The following AUH variants were observed in gnomAD, a reference collection of about 807,000 sequenced individuals.
AUH encodes AU RNA binding methylglutaconyl-CoA hydratase.
Under a neutral mutation model 42.3 loss-of-function variants are expected in AUH, and 29 were observed. The observed-to-expected ratio is 0.69, with a 90% CI of 0.51 to 0.93. The LOEUF (loss-of-function observed/expected upper bound fraction) is 0.93. Ranked by LOEUF, AUH falls within the 40% of genes least tolerant of loss-of-function variation. The pLI, the probability that AUH is intolerant of heterozygous loss-of-function variation, is 0.00. For synonymous variants in AUH, 174 were observed against 166.4 expected (o/e 1.05, Z -0.35); for missense variants, 452 against 438.1 (o/e 1.03, Z -0.28).
At chr9:91,244,601 G>A (rs893328428) in intron 6 of AUH, among the ~76,000 whole-genome samples, 1 of 152,000 alleles carries the variant, frequency 6.6e-6, no homozygotes, top group Admixed American at 6.5e-5. Flanking sequence ...GCTTCCTACA[G>A]GCACTGTTAA....
chr9:91,220,079 A>G (rs1364728423), intron 7 of AUH, among the ~76,000 whole-genome samples: 2 of 152,226 alleles, frequency 1.3e-5, no homozygotes, highest in African/African-American at 4.8e-5. Flanking sequence ...TCTCAATTTA[A>G]AGCCCTTTAA....
intron 6 of AUH, 96 bp from the exon 7 acceptor site, chr9:91,221,088 GC>G (rs1827109435): frequency 2.2e-6 from 3 of 1,381,210 alleles, no homozygotes; most frequent in Non-Finnish European, 3.0e-6. Context: ...ATAAACCAGG[GC>G]CAGAAGTTTA....
chr9:91,266,177 A>G (rs1338456173), intron 6 of AUH, among the ~76,000 whole-genome samples: 1 of 152,192 alleles, frequency 6.6e-6, no homozygotes, highest in East Asian at 1.9e-4. Flanking sequence ...CCTGGCCAAC[A>G]TGGTGAAAAG....
intron 6 of AUH, among the ~76,000 whole-genome samples, chr9:91,263,709 G>C (rs7043552): frequency 2.0e-5 from 3 of 151,890 alleles, no homozygotes; most frequent in Non-Finnish European, 4.4e-5. Context: ...GACTATTCTT[G>C]TATTTCATTC....
intron 6 of AUH, among the ~76,000 whole-genome samples, chr9:91,229,140 T>A (rs983391571): frequency 2.1e-5 from 3 of 145,544 alleles, no homozygotes; most frequent in Non-Finnish European, 3.0e-5. Context: ...ATCTGTCTAA[T>A]GTTGACAGTG....
rs114047734 is a variant in AUH at position 91,314,137 on chromosome 9, G to C, written c.505+11181C>G. Among the ~76,000 whole-genome samples the C allele has an allele frequency of 8.3e-4, 126 of 152,168 alleles. 1 individual carries two copies. Among genetic ancestry groups the C allele is most frequent in the African/African-American group, 2.8e-3 (118 of 41,516 alleles). ...CTGTGCCTGCCCATAAACGCATTTT[G>C]TTAGACATGCAAAAGGATTTTTCTC... On this transcript the variant is annotated intron_variant, in intron 4 of 9. Transcript: ENST00000375731.
intron 3 of AUH, among the ~76,000 whole-genome samples, chr9:91,347,011 C>G (rs1652671419): frequency 6.6e-6 from 1 of 151,878 alleles, no homozygotes; most frequent in African/African-American, 2.4e-5. Context: ...ATGTGTTCAC[C>G]AACCTAGAAG....
intron 4 of AUH, among the ~76,000 whole-genome samples, chr9:91,317,227 C>T (rs1829226498): frequency 6.6e-6 from 1 of 152,132 alleles, no homozygotes; most frequent in Non-Finnish European, 1.5e-5. Flanking sequence ...TCTCTTTTTG[C>T]TCATCAAGTC....
chr9:91,352,827 G>A (rs765832843), intron 3 of AUH, among the ~76,000 whole-genome samples: 3 of 152,182 alleles, frequency 2.0e-5, no homozygotes, highest in African/African-American at 4.8e-5. Context: ...TAAATGCTGA[G>A]TCCCTGTTGT....
At chr9:91,215,110 C>T (rs757621617) in intron 9 of AUH, among the ~76,000 whole-genome samples, 2 of 152,178 alleles carry the variant, frequency 1.3e-5, no homozygotes, top group Non-Finnish European at 2.9e-5. Flanking sequence ...CTCCTTTAAA[C>T]GAGTGCTCAT....
chr9:91,274,501 T>C (rs1364447278), intron 6 of AUH, among the ~76,000 whole-genome samples: 1 of 152,202 alleles, frequency 6.6e-6, no homozygotes, highest in Non-Finnish European at 1.5e-5. Context: ...TCCTTTAGGA[T>C]TTTACAATAC....
chr9:91,261,329 ATTCT>A (rs1169914890), intron 6 of AUH, among the ~76,000 whole-genome samples: 1 of 152,140 alleles, frequency 6.6e-6, no homozygotes, highest in Non-Finnish European at 1.5e-5. Context: ...GGCCTAGAGA[ATTCT>A]TTATTTTAAG....
chr9:91,265,777 C>T (rs1829942933), intron 6 of AUH, among the ~76,000 whole-genome samples: 1 of 152,124 alleles, frequency 6.6e-6, no homozygotes, highest in Admixed American at 6.5e-5. Flanking sequence ...GTCAGTTTTT[C>T]TGAAAACTTG....
chr9:91,325,413 T>C lies in AUH; in HGVS notation c.419-9A>G. On this transcript the variant is annotated splice_polypyrimidine_tract_variant and intron_variant, in intron 3 of 9. Transcript: ENST00000375731. ...TTCCTTAAGGTCAGCACCTGCAAAG[T>C]ATTTTATTTACAAATATAATCTAGT... 6.2e-7 allele frequency: 1 copy of C among 1,612,418 alleles called. No individual in the cohort carries two copies.
intron 6 of AUH, among the ~76,000 whole-genome samples, chr9:91,251,571 T>C (rs1829128076): frequency 6.6e-6 from 1 of 152,168 alleles, no homozygotes; most frequent in Non-Finnish European, 1.5e-5. Context: ...GTGGTTTCCA[T>C]TGATATAAGC....
intron 6 of AUH, among the ~76,000 whole-genome samples, chr9:91,295,797 A>G (rs539872286): frequency 5.9e-5 from 9 of 152,354 alleles, no homozygotes; most frequent in African/African-American, 1.9e-4. Context: ...CTGGGAAACC[A>G]AAAAATTTGT....
chr9:91,218,717 C>A (rs971178294), intron 7 of AUH: 4 of 984,246 alleles, frequency 4.1e-6, no homozygotes, highest in Non-Finnish European at 4.8e-6. Context: ...CTTTACAAGC[C>A]TTTTTTTCTC....
chr9:91,281,401 T>C (rs1825954118), intron 6 of AUH, among the ~76,000 whole-genome samples: 2 of 152,226 alleles, frequency 1.3e-5, no homozygotes, highest in Non-Finnish European at 2.9e-5. Context: ...TCTCTCTGTC[T>C]GTACCAATGT....
chr9:91,314,360 C>T, intron 4 of AUH, among the ~76,000 whole-genome samples: 1 of 151,300 alleles, frequency 6.6e-6, no homozygotes, highest in East Asian at 2.0e-4. Context: ...CATGGTAGAG[C>T]CCATCCCTGC....
Sources: gnomAD v4.1 joint callset for allele counts (sites outside exome capture counted in the v4.1 genomes callset) on GRCh38, gnomAD v4.1.1 for gene constraint, MANE v1.5 for transcripts, NCBI Gene and HGNC (gene_info 2026-07-23, HGNC 2026-07-21) for gene names.